Variants in PCDH15 observed in about 807,000 individuals in gnomAD.
PCDH15 encodes protocadherin related 15.
PCDH15 carries 129 observed loss-of-function variants against 178.5 expected under a neutral mutation model. The ratio of observed to expected loss-of-function variants is 0.72; its 90% CI spans 0.63 to 0.84. The LOEUF is 0.84. Among genes scored for constraint, PCDH15 ranks in the 40% least tolerant of loss-of-function variants. The pLI, the probability that PCDH15 is intolerant of heterozygous loss-of-function variation, is 0.00. For missense variants in PCDH15, 2,230 were observed against 2,099.9 expected (o/e 1.06, Z -1.21); for synonymous variants, 800 against 732.0 (o/e 1.09, Z -1.50).
intron 1 of PCDH15, among the ~76,000 whole-genome samples, chr10:54,772,964 G>A (rs1350059653): frequency 6.6e-6 from 1 of 152,150 alleles, no homozygotes; most frequent in Non-Finnish European, 1.5e-5. Flanking sequence ...GACCTTTGAA[G>A]GGACGTGGAT....
chr10:53,870,791 CT>C (rs1223786647), intron 26 of PCDH15, among the ~76,000 whole-genome samples: 1 of 152,106 alleles, frequency 6.6e-6, no homozygotes, highest in African/African-American at 2.4e-5. Flanking sequence ...ACCAAATGTT[CT>C]TTCTATAAAA....
intron 3 of PCDH15, among the ~76,000 whole-genome samples, chr10:54,413,642 T>C (rs941557654): frequency 6.6e-6 from 1 of 152,178 alleles, no homozygotes; most frequent in African/African-American, 2.4e-5. Flanking sequence ...TCAATGTAAG[T>C]TTCATAATTC....
At chr10:55,228,482 A>T (rs1194428327) in intron 1 of PCDH15, among the ~76,000 whole-genome samples, 3 of 152,104 alleles carry the variant, frequency 2.0e-5, no homozygotes, top group African/African-American at 7.2e-5. Context: ...ATTGAAAAAA[A>T]TTAAACGAAA....
chr10:54,423,884 A>C (rs1458769070), intron 3 of PCDH15, among the ~76,000 whole-genome samples: 1 of 151,918 alleles, frequency 6.6e-6, no homozygotes, highest in Non-Finnish European at 1.5e-5. Flanking sequence ...TAAAGACTTA[A>C]ATGTTAGACC....
intron 15 of PCDH15, among the ~76,000 whole-genome samples, chr10:54,128,219 T>C (rs947490293): frequency 6.6e-6 from 1 of 152,176 alleles, no homozygotes; most frequent in Non-Finnish European, 1.5e-5. Context: ...TTCTAACGTA[T>C]CTTTTAGCTA....
At chr10:54,135,701 C>A (rs1274251178) in intron 14 of PCDH15, among the ~76,000 whole-genome samples, 1 of 152,168 alleles carries the variant, frequency 6.6e-6, no homozygotes, top group African/African-American at 2.4e-5. Context: ...ATTCTCTATG[C>A]ATAACAAGTC....
chr10:54,411,370 T>C (rs1953485010), intron 3 of PCDH15, among the ~76,000 whole-genome samples: 1 of 152,192 alleles, frequency 6.6e-6, no homozygotes, highest in Admixed American at 6.6e-5. Context: ...TCTCACTGAC[T>C]TTTTAAAATA....
intron 9 of PCDH15, among the ~76,000 whole-genome samples, chr10:54,220,367 T>C (rs2052640741): frequency 6.6e-6 from 1 of 152,192 alleles, no homozygotes; most frequent in African/African-American, 2.4e-5. Flanking sequence ...TATTCTGAAC[T>C]CTCACGGCTA....
chr10:54,310,619 A>G (rs972249375), intron 8 of PCDH15, among the ~76,000 whole-genome samples: 2 of 152,058 alleles, frequency 1.3e-5, no homozygotes, highest in African/African-American at 4.8e-5. Context: ...AAAAGACGAG[A>G]AATTCAAACT....
chr10:54,450,572 C>T (rs1439557124), intron 3 of PCDH15, among the ~76,000 whole-genome samples: 2 of 151,648 alleles, frequency 1.3e-5, no homozygotes, highest in Non-Finnish European at 2.9e-5. Context: ...AACCCTGCCT[C>T]TTCTCTTACA....
At chr10:55,269,617 G>GA (rs375270291) in intron 1 of PCDH15, among the ~76,000 whole-genome samples, 7 of 152,028 alleles carry the variant, frequency 4.6e-5, no homozygotes, top group South Asian at 2.1e-4. Context: ...AGACACAGCT[G>GA]AAAAAAACCA....
intron 17 of PCDH15, among the ~76,000 whole-genome samples, chr10:54,077,543 CTATTT>C (rs2135931800): frequency 6.6e-6 from 1 of 151,804 alleles, no homozygotes; most frequent in South Asian, 2.1e-4. Context: ...TCTTTTTTTC[CTATTT>C]TATTGGTTGA....
intron 3 of PCDH15, among the ~76,000 whole-genome samples, chr10:54,875,075 C>T (rs1439055606): frequency 1.3e-5 from 2 of 152,116 alleles, no homozygotes; most frequent in African/African-American, 4.8e-5. Context: ...GTGGCAACCC[C>T]GTGTGAGCAA....
intron 13 of PCDH15, among the ~76,000 whole-genome samples, chr10:54,173,627 T>G (rs968946477): frequency 3.3e-5 from 5 of 152,220 alleles, no homozygotes; most frequent in African/African-American, 1.2e-4. Flanking sequence ...TATTAGTTCT[T>G]TTTATCCATT....
chr10:55,250,780 C>G (rs1229476051), intron 1 of PCDH15, among the ~76,000 whole-genome samples: 1 of 151,850 alleles, frequency 6.6e-6, no homozygotes, highest in Non-Finnish European at 1.5e-5. Context: ...CGTGATCCAC[C>G]CGCCTCAGCC....
At chr10:55,178,644 A>G (rs1220131216) in intron 1 of PCDH15, among the ~76,000 whole-genome samples, 1 of 152,164 alleles carries the variant, frequency 6.6e-6, no homozygotes. Flanking sequence ...GGCCTGGGGA[A>G]CTTATGGAAT....
intron 3 of PCDH15, among the ~76,000 whole-genome samples, chr10:54,847,470 A>G (rs1199722002): frequency 6.6e-6 from 1 of 151,882 alleles, no homozygotes; most frequent in Non-Finnish European, 1.5e-5. Context: ...TTTTAAGTAT[A>G]GTTTTACTCT....
intron 14 of PCDH15, among the ~76,000 whole-genome samples, chr10:54,139,311 A>AT (rs1590733039): frequency 6.6e-6 from 1 of 152,108 alleles, no homozygotes; most frequent in African/African-American, 2.4e-5. Context: ...TAAAAAAAAA[A>AT]GTAATGAACA....
At chr10:54,225,880 G>A (rs1325159227) in intron 9 of PCDH15, among the ~76,000 whole-genome samples, 1 of 152,160 alleles carries the variant, frequency 6.6e-6, no homozygotes, top group Admixed American at 6.5e-5. Context: ...CTGTGTCTCT[G>A]TATGTTTTAG....
Sources: allele counts gnomAD v4.1 joint callset (sites outside exome capture counted in the v4.1 genomes callset), GRCh38; gene constraint gnomAD v4.1.1; transcripts MANE v1.5; gene names NCBI Gene and HGNC (gene_info 2026-07-23, HGNC 2026-07-21).